ASCC3: variants seen among roughly 807,000 people sequenced by gnomAD.
The protein encoded by ASCC3 is ASC-1 complex subunit P200.
Under a neutral mutation model 256.3 loss-of-function variants are expected in ASCC3, and 158 were observed. That is an observed-to-expected ratio of 0.62 (90% CI 0.54 to 0.70). The LOEUF (loss-of-function observed/expected upper bound fraction) is 0.70. Among genes scored for constraint, ASCC3 ranks in the 30% least tolerant of loss-of-function variants. The pLI is 0.00. For missense variants in ASCC3, 2,259 were observed against 2,626.0 expected, an observed-to-expected ratio of 0.86 and a Z score of 3.05; for synonymous variants, 948 against 883.4, an observed-to-expected ratio of 1.07 and a Z score of -1.30.
chr6:100,784,544 T>C (rs527446371), intron 8 of ASCC3, among the ~76,000 whole-genome samples: 1 of 151,978 alleles, frequency 6.6e-6, no homozygotes, highest in Admixed American at 6.6e-5. Flanking sequence ...ACATTCTCCA[T>C]GAATCACGGT....
chr6:100,773,350 A>C (rs1164347671), intron 8 of ASCC3, among the ~76,000 whole-genome samples: 1 of 152,166 alleles, frequency 6.6e-6, no homozygotes, highest in Non-Finnish European at 1.5e-5. Context: ...GACTTATGAC[A>C]AGAAACAGAG....
chr6:100,588,951 GAATATCCTAACTAATGTGTTAACA>G (rs1289638627), intron 36 of ASCC3, among the ~76,000 whole-genome samples: 1 of 151,950 alleles, frequency 6.6e-6, no homozygotes, highest in Non-Finnish European at 1.5e-5. Context: ...AAGAATATAT[GAATATCCTAACTAATGTGTTAACA>G]AAGTTTTGTG....
At chr6:100,708,665 C>G (rs572191471) in intron 13 of ASCC3, among the ~76,000 whole-genome samples, 1 of 152,214 alleles carries the variant, frequency 6.6e-6, no homozygotes, top group Admixed American at 6.5e-5. Context: ...GTACACAGGA[C>G]ACACCCTCCA....
chr6:100,867,862 C>G lies in ASCC3; in HGVS notation c.90+46G>C, dbSNP rs148510745. 952 of 1,433,338 alleles carry G rather than the reference C, an allele frequency of 6.6e-4. 6 individuals are homozygous for G. The Middle Eastern group carries it at 0.011, about 17-fold the overall frequency. The allele number at this position is 1,433,338 out of a possible 1,614,324, so 88.8% of individuals were successfully genotyped here. On this transcript the variant is annotated intron_variant, in intron 2 of 41. Transcript: ENST00000369162. ...AGAATGTCAAATAGTTGTCCATAGT[C>G]TGTGTTTATAATAATGTTCAACATT...
chr6:100,622,044 C>T (rs926822762), intron 30 of ASCC3, among the ~76,000 whole-genome samples: 1 of 152,020 alleles, frequency 6.6e-6, no homozygotes, highest in African/African-American at 2.4e-5. Context: ...AAAATGAGAA[C>T]ACATGGACAT....
At chr6:100,868,062 T>C in intron 1 of ASCC3, 24 bp from the exon 2 acceptor site, 1 of 1,297,164 alleles carries the variant, frequency 7.7e-7, no homozygotes, top group Non-Finnish European at 1.1e-6. Context: ...AGATGATATT[T>C]ATCTGTTCGG....
At chr6:100,874,474 A>AAC (rs1773898639) in intron 1 of ASCC3, among the ~76,000 whole-genome samples, 2 of 151,060 alleles carry the variant, frequency 1.3e-5, no homozygotes, top group Admixed American at 1.3e-4. Flanking sequence ...CAAAAAAAAA[A>AAC]AAAAAAAAAA....
At chr6:100,734,503 C>A (rs1209514032) in intron 10 of ASCC3, among the ~76,000 whole-genome samples, 1 of 152,146 alleles carries the variant, frequency 6.6e-6, no homozygotes, top group Non-Finnish European at 1.5e-5. Context: ...AACTTAAACT[C>A]TCCCTGCTTC....
intron 13 of ASCC3, chr6:100,715,185 G>T: frequency 3.8e-6 from 1 of 264,434 alleles, no homozygotes; most frequent in Non-Finnish European, 7.1e-6. Context: ...CATTTCAATT[G>T]ATATTGCTTC....
At chr6:100,604,001 A>C (rs1157669691) in intron 33 of ASCC3, among the ~76,000 whole-genome samples, 2 of 152,052 alleles carry the variant, frequency 1.3e-5, no homozygotes, top group Non-Finnish European at 2.9e-5. Flanking sequence ...ATTGTGTACG[A>C]TTGATGCTAT....
chr6:100,802,897 A>T lies in ASCC3; in HGVS notation c.923-2393T>A, dbSNP rs1009314197. Among the ~76,000 whole-genome samples the T allele has an allele frequency of 8.6e-5, 13 of 151,840 alleles. 1 individual carries two copies. On this transcript the variant is annotated intron_variant, in intron 5 of 41. Transcript: ENST00000369162. ...GTGGCACACACCTGTGGACCCATCTACTCGGGAGGCTGAGATGAGAGGATT... is the reference window on the plus strand; with the variant it reads ...GTGGCACACACCTGTGGACCCATCTTCTCGGGAGGCTGAGATGAGAGGATT...
intron 10 of ASCC3, among the ~76,000 whole-genome samples, chr6:100,741,190 A>C (rs952207692): frequency 2.0e-5 from 3 of 152,158 alleles, no homozygotes; most frequent in African/African-American, 7.2e-5. Flanking sequence ...CTTTTGTTTA[A>C]TAATGTTGCA....
chr6:100,662,789 C>G (rs1776288460), intron 14 of ASCC3, among the ~76,000 whole-genome samples: 1 of 151,998 alleles, frequency 6.6e-6, no homozygotes, highest in Admixed American at 6.6e-5. Context: ...CTCTTTCATC[C>G]AGATGTCCCT....
In ASCC3 at chr6:100,518,074, C is replaced by G; in HGVS notation, c.5844G>C (p.Gln1948His). 1 of 1,613,700 alleles carries G rather than the reference C, an allele frequency of 6.2e-7. No individual in the cohort carries two copies. Among genetic ancestry groups the G allele is most frequent in the Non-Finnish European group, 8.5e-7 (1 of 1,179,728 alleles). ...TTAACCACCGACCCTGGATCACCAT[C>G]TGAATCAGGTTGGTGATATTCAGGA... ...VTVLNITNLIQMVIQGRWLKD... is the reference protein window; with the variant it reads ...VTVLNITNLIHMVIQGRWLKD... Residue 1948 changes from glutamine (Q) to histidine (H), a missense_variant, in exon 38 of 42, where the codon CAG (glutamine) becomes CAC (histidine). By Grantham distance (24) the Gln-to-His change is conservative (BLOSUM62 0). Around this residue, in one of 2 missense-constraint regions of ASCC3, gnomAD observed 1,839 missense variants for 2,206.7 expected, o/e 0.83. Coordinates refer to ENST00000369162, the MANE Select transcript of ASCC3 (RefSeq NM_006828.4).
rs578219130 is a variant in ASCC3 at position 100,622,260 on chromosome 6, A to G, written c.4785+2932T>C. Among the ~76,000 whole-genome samples the G allele has an allele frequency of 2.7e-5, 4 of 148,028 alleles. No homozygotes were observed. The South Asian group carries it at 6.2e-4, about 23-fold the overall frequency. ...TAACTGTAATCCCCATAATCCCCAC[A>G]TGTTACGGGAGAGACCAGGTGGAGG... is the stretch of plus-strand genomic sequence containing the variant. On this transcript the variant is annotated intron_variant, in intron 30 of 41. Coordinates refer to ENST00000369162, the MANE Select transcript of ASCC3 (RefSeq NM_006828.4).
At chr6:100,748,388 G>A (rs571414614) in intron 10 of ASCC3, among the ~76,000 whole-genome samples, 43 of 152,014 alleles carry the variant, frequency 2.8e-4, no homozygotes, top group South Asian at 8.3e-4. Flanking sequence ...TGTACCAACC[G>A]TTATCCTCAA....
intron 14 of ASCC3, among the ~76,000 whole-genome samples, chr6:100,675,001 A>G (rs1482575768): frequency 1.3e-5 from 2 of 152,122 alleles, no homozygotes; most frequent in Non-Finnish European, 2.9e-5. Context: ...GGATGTTAAA[A>G]AGGCAGAGTG....
intron 24 of ASCC3, among the ~76,000 whole-genome samples, chr6:100,641,723 A>G (rs139148532): frequency 0.014 from 2,133 of 152,310 alleles, 39 homozygotes; most frequent in African/African-American, 0.049. Context: ...ATGTATGTTT[A>G]CTGCAGCACT....
At chr6:100,661,483 T>C (rs1298962521) in intron 16 of ASCC3, among the ~76,000 whole-genome samples, 3 of 151,880 alleles carry the variant, frequency 2.0e-5, no homozygotes, top group Non-Finnish European at 2.9e-5. Context: ...ATTTAAAACT[T>C]TGCAAAAGTG....
Sources: allele counts gnomAD v4.1 joint callset (sites outside exome capture counted in the v4.1 genomes callset), GRCh38; gene constraint gnomAD v4.1.1; regional missense constraint gnomAD v4.1.1; transcripts MANE v1.5; gene names NCBI Gene and HGNC (gene_info 2026-07-23, HGNC 2026-07-21).